ARRB1: variants seen among roughly 807,000 people sequenced by gnomAD.
ARRB1 encodes the protein beta-arrestin-1.
A neutral mutation model predicts 56.8 loss-of-function variants in ARRB1; 21 were observed. The observed-to-expected ratio is 0.37, with a 90% CI of 0.26 to 0.53. The LOEUF (loss-of-function observed/expected upper bound fraction) is 0.53, where lower values mean the gene tolerates loss of function less well. Ranked by LOEUF, ARRB1 falls within the 20% of genes least tolerant of loss-of-function variation. The pLI is 0.88. For missense variants in ARRB1, 424 were observed against 553.7 expected (o/e 0.77, Z 2.35); for synonymous variants, 210 against 218.6 (o/e 0.96, Z 0.35).
At chr11:75,270,351 T>A (rs1425709287) in intron 13 of ARRB1, among the ~76,000 whole-genome samples, 1 of 151,688 alleles carries the variant, frequency 6.6e-6, no homozygotes, top group Non-Finnish European at 1.5e-5. Context: ...AAAATTAGGC[T>A]GGGCGCGGTG....
intron 1 of ARRB1, among the ~76,000 whole-genome samples, chr11:75,322,886 T>C (rs1947369214): frequency 6.6e-6 from 1 of 152,334 alleles, no homozygotes; most frequent in Middle Eastern, 3.4e-3. Context: ...TTTTCCCTTC[T>C]GTAAAATGGA....
chr11:75,270,130 T>C (rs1946043408), intron 13 of ARRB1, among the ~76,000 whole-genome samples: 2 of 152,396 alleles, frequency 1.3e-5, no homozygotes, highest in South Asian at 4.1e-4. Context: ...GAACAAAGCC[T>C]GTCTTCTAGA....
chr11:75,339,310 C>G (rs946290598), intron 1 of ARRB1, among the ~76,000 whole-genome samples: 1 of 152,234 alleles, frequency 6.6e-6, no homozygotes, highest in African/African-American at 2.4e-5. Flanking sequence ...CCCAGTGTCT[C>G]CTGATATACC....
At chr11:75,275,738 G>A (rs563204151) in intron 10 of ARRB1, among the ~76,000 whole-genome samples, 3 of 152,244 alleles carry the variant, frequency 2.0e-5, no homozygotes, top group African/African-American at 7.2e-5. Flanking sequence ...ACATCTCTCT[G>A]AGCCACTTCC....
chr11:75,288,721 T>A (rs866493028), intron 2 of ARRB1, among the ~76,000 whole-genome samples: 1 of 151,598 alleles, frequency 6.6e-6, no homozygotes, highest in Admixed American at 6.6e-5. Flanking sequence ...GTTAAAGTGA[T>A]CCTCACACCT....
chr11:75,268,510 C>CAAAA (rs61409833), intron 14 of ARRB1, among the ~76,000 whole-genome samples: 93 of 61,430 alleles, frequency 1.5e-3, no homozygotes, highest in Admixed American at 2.1e-3. Flanking sequence ...GTCTCAAAAC[C>CAAAA]AAAAAAAAAA....
intron 2 of ARRB1, among the ~76,000 whole-genome samples, chr11:75,287,808 T>C (rs751931103): frequency 4.6e-5 from 7 of 152,206 alleles, no homozygotes; most frequent in Non-Finnish European, 1.0e-4. Flanking sequence ...AGTTGCTCCT[T>C]CTCCCATGCA....
At chr11:75,267,255 T>G (rs1254417898) in intron 15 of ARRB1, among the ~76,000 whole-genome samples, 1 of 151,718 alleles carries the variant, frequency 6.6e-6, no homozygotes, top group African/African-American at 2.4e-5. Context: ...TCCTCAGGAG[T>G]CAGAAGCAAC....
rs1946225471 is a variant in ARRB1 at position 75,277,443 on chromosome 11, A to G, written c.624T>C (p.Tyr208=). Residue 208 remains tyrosine, a synonymous_variant, in exon 9 of 16, where the codon TAT becomes TAC. Transcript: ENST00000420843. The part of the protein sequence containing the change: ...HLEASLDKEI[Y]YHGEPISVNV... ...TGACGCTGATGGGTTCTCCATGGTA[A>G]TAGATCTGGGGGGCATAAGAAGGGA... 1.9e-6 allele frequency: 3 copies of G among 1,613,960 alleles called. No individual in the cohort carries two copies. The highest frequency in any genetic ancestry group is 1.1e-5 in the South Asian group (1 of 91,070).
At chr11:75,273,819 C>T (rs1946129664) in intron 11 of ARRB1, among the ~76,000 whole-genome samples, 2 of 152,194 alleles carry the variant, frequency 1.3e-5, no homozygotes, top group East Asian at 1.9e-4. Context: ...TGCCCTCCCC[C>T]AGGCATGGTA....
At chr11:75,306,714 C>T in intron 1 of ARRB1, 1 of 1,233,918 alleles carries the variant, frequency 8.1e-7, no homozygotes. Context: ...TCTCCCCAGC[C>T]CCAAGTGAGG....
At chr11:75,325,724 G>T (rs1280094134) in intron 1 of ARRB1, among the ~76,000 whole-genome samples, 1 of 152,192 alleles carries the variant, frequency 6.6e-6, no homozygotes. Flanking sequence ...AACAGGTAGG[G>T]GCTGAGGCCA....
chr11:75,299,302 C>G (rs1946838595), intron 1 of ARRB1, among the ~76,000 whole-genome samples: 1 of 151,180 alleles, frequency 6.6e-6, no homozygotes, highest in Non-Finnish European at 1.5e-5. Flanking sequence ...TAAATACTGA[C>G]AGGAGTTGAA....
At chr11:75,350,896 T>C (rs995003832) in intron 1 of ARRB1, among the ~76,000 whole-genome samples, 20 of 152,210 alleles carry the variant, frequency 1.3e-4, no homozygotes, top group Admixed American at 4.6e-4. Context: ...CTCGTGCCTG[T>C]GGGGTGCCAG....
chr11:75,331,935 A>G lies in ARRB1; in HGVS notation c.20+19653T>C, dbSNP rs142988476. Among the ~76,000 whole-genome samples, 978 of 152,272 alleles carry G rather than the reference A, an allele frequency of 6.4e-3. 10 individuals are homozygous for G. The highest frequency in any genetic ancestry group is 0.022 in the African/African-American group (926 of 41,546). On this transcript the variant is annotated intron_variant, in intron 1 of 15. Transcript: ENST00000420843. Reference sequence around the variant, plus strand: ...GGCCTGAGGCAACTGAAGAACCACAAAAGAAGTGAAAATGGCCGGTTCCTG... The same window carrying G: ...GGCCTGAGGCAACTGAAGAACCACAGAAGAAGTGAAAATGGCCGGTTCCTG...
chr11:75,271,156 A>G (rs1946067498), intron 13 of ARRB1: 1 of 152,254 alleles, frequency 6.6e-6, no homozygotes, highest in Non-Finnish European at 1.5e-5. Context: ...AATTGAATGA[A>G]TTTCACCTGT....
intron 1 of ARRB1, among the ~76,000 whole-genome samples, chr11:75,345,805 G>C (rs1947758597): frequency 6.6e-6 from 1 of 152,186 alleles, no homozygotes; most frequent in Non-Finnish European, 1.5e-5. Context: ...TCACTAATGG[G>C]AAAGGCCTAA....
chr11:75,281,977 G>A lies in ARRB1; in HGVS notation c.399C>T (p.Pro133=), dbSNP rs772201191. 11 of 1,614,090 alleles carry A rather than the reference G, an allele frequency of 6.8e-6. No homozygotes were observed. The highest frequency in any genetic ancestry group is 1.7e-5 in the Admixed American group (1 of 60,014). ...GGTGACCTACCTTCCCCGTGTCTTC[G>A]GGCCCCGGCTGCAGTGTCACAGAAC... The part of the protein sequence containing the change: ...LPCSVTLQPG[P]EDTGKACGVD... The change falls in exon 6 of 16, where the codon CCC becomes CCT. Residue 133 remains proline (P), a synonymous_variant. Coordinates refer to ENST00000420843, the MANE Select transcript of ARRB1 (RefSeq NM_004041.5).
chr11:75,348,624 G>T (rs1443010381), intron 1 of ARRB1, among the ~76,000 whole-genome samples: 2 of 151,540 alleles, frequency 1.3e-5, no homozygotes, highest in Non-Finnish European at 2.9e-5. Context: ...TTCAGACAGG[G>T]TCTCACTCTC....
Sources: allele counts gnomAD v4.1 joint callset (sites outside exome capture counted in the v4.1 genomes callset), GRCh38; gene constraint gnomAD v4.1.1; transcripts MANE v1.5; gene names NCBI Gene and HGNC (gene_info 2026-07-23, HGNC 2026-07-21).